TUSC3: variants seen among roughly 807,000 people sequenced by gnomAD.
The protein encoded by TUSC3 is tumor suppressor candidate 3.
In TUSC3, 45 loss-of-function variants were observed where a neutral mutation model predicts 44.8. That is an observed-to-expected ratio of 1.00 (90% CI 0.79 to 1.29). TUSC3 has a LOEUF of 1.29. Ranked by LOEUF, TUSC3 falls within the 50% of genes most tolerant of loss-of-function variation. TUSC3 has a pLI of 0.00. For missense variants in TUSC3, 519 were observed against 437.9 expected, an observed-to-expected ratio of 1.19 and a Z score of -1.65; for synonymous variants, 212 against 152.9, an observed-to-expected ratio of 1.39 and a Z score of -2.85.
chr8:15,494,586 G>C (rs1374262685), intron 2 of TUSC3, among the ~76,000 whole-genome samples: 1 of 152,084 alleles, frequency 6.6e-6, no homozygotes, highest in African/African-American at 2.4e-5. Flanking sequence ...CAAAGTGCTG[G>C]GATTAGAGGC....
intron 7 of TUSC3, among the ~76,000 whole-genome samples, chr8:15,739,987 A>G (rs1232618479): frequency 6.6e-6 from 1 of 152,196 alleles, no homozygotes; most frequent in Non-Finnish European, 1.5e-5. Flanking sequence ...TGAATAAAAC[A>G]AAGTTCTTGC....
chr8:15,595,163 A>T (rs968698714), intron 1 of TUSC3, among the ~76,000 whole-genome samples: 1 of 152,144 alleles, frequency 6.6e-6, no homozygotes, highest in Non-Finnish European at 1.5e-5. Context: ...CTGGGCTCTT[A>T]AGGCCGTTTG....
At chr8:15,579,237 A>G (rs1378053070) in intron 1 of TUSC3, among the ~76,000 whole-genome samples, 3 of 142,930 alleles carry the variant, frequency 2.1e-5, no homozygotes, top group Admixed American at 1.4e-4. Context: ...CTAGTGGTCT[A>G]TCAATTTTGT....
chr8:15,712,033 A>G (rs1170056559), intron 6 of TUSC3, among the ~76,000 whole-genome samples: 1 of 151,826 alleles, frequency 6.6e-6, no homozygotes, highest in East Asian at 1.9e-4. Flanking sequence ...AAACATACTA[A>G]ATTGCTGTGC....
intron 1 of TUSC3, among the ~76,000 whole-genome samples, chr8:15,460,377 T>C (rs117478864): frequency 2.9e-4 from 44 of 152,102 alleles, no homozygotes; most frequent in Non-Finnish European, 5.3e-4. Flanking sequence ...CCCAGTTTTC[T>C]ATGGGATTGC....
intron 1 of TUSC3, among the ~76,000 whole-genome samples, chr8:15,433,799 T>A (rs1262634026): frequency 1.3e-5 from 2 of 152,176 alleles, no homozygotes; most frequent in South Asian, 4.1e-4. Context: ...TGAGTAGAAA[T>A]ATACGTTATA....
At chr8:15,635,126 T>G (rs920434670) in intron 2 of TUSC3, among the ~76,000 whole-genome samples, 1 of 152,086 alleles carries the variant, frequency 6.6e-6, no homozygotes, top group African/African-American at 2.4e-5. Context: ...TCAAGGTAAC[T>G]GTCAAGGAAG....
At chr8:15,806,359 C>G in the TUSC3 span, 1 of 733,650 alleles carries the variant, frequency 1.4e-6, no homozygotes, top group South Asian at 1.3e-5. Flanking sequence ...ACTCTGCATT[C>G]CAGGTACTTG....
the TUSC3 span, among the ~76,000 whole-genome samples, chr8:15,785,511 C>G: frequency 8.3e-4 from 125 of 150,672 alleles, no homozygotes; most frequent in East Asian, 0.023. Flanking sequence ...CCATCCTGAC[C>G]TTCTTTGGAA....
intron 4 of TUSC3, among the ~76,000 whole-genome samples, chr8:15,661,685 A>G (rs1407193276): frequency 6.6e-6 from 1 of 151,994 alleles, no homozygotes; most frequent in Admixed American, 6.6e-5. Context: ...TAAGTAGTAA[A>G]AGCTATACTA....
chr8:15,696,180 G>T (rs538974651), intron 6 of TUSC3, among the ~76,000 whole-genome samples: 1 of 152,146 alleles, frequency 6.6e-6, no homozygotes, highest in Non-Finnish European at 1.5e-5. Context: ...AAATAGTTTC[G>T]TGGGCTGGGC....
chr8:15,689,323 A>G (rs545872157), intron 6 of TUSC3: 6 of 288,214 alleles, frequency 2.1e-5, no homozygotes, highest in Admixed American at 1.2e-4. Context: ...AGTCACCATC[A>G]TCACTCCGTC....
intron 7 of TUSC3, among the ~76,000 whole-genome samples, chr8:15,740,923 A>G (rs1585289416): frequency 6.6e-6 from 1 of 152,322 alleles, no homozygotes; most frequent in African/African-American, 2.4e-5. Context: ...TACTCTTACG[A>G]AAATGTACGT....
Position 15,764,366 on chromosome 8 carries a change from T to G in TUSC3, c.*210T>G. The G allele has an allele frequency of 1.3e-6, 1 of 782,852 alleles. No individual in the cohort carries two copies. The highest frequency in any genetic ancestry group is 2.0e-6 in the Non-Finnish European group (1 of 489,944). The allele number at this position is 782,852 out of a possible 1,614,324, so 48.5% of individuals were successfully genotyped here. On this transcript the variant is annotated 3_prime_UTR_variant, in exon 11 of 11. Coordinates refer to ENST00000503731, the MANE Select transcript of TUSC3 (RefSeq NM_006765.4). ...AAACTGTGGGTTTTCCTAGTAAATT[T>G]AATTTACAGAAATCAATGGTAGCAT...
the TUSC3 span, chr8:15,807,184 T>A: frequency 1.7e-5 from 13 of 771,474 alleles, no homozygotes; most frequent in African/African-American, 1.7e-4. Flanking sequence ...TCCATTTCAA[T>A]ACGTCAACCT....
intron 6 of TUSC3, among the ~76,000 whole-genome samples, chr8:15,730,204 A>G (rs1810662105): frequency 6.6e-6 from 1 of 152,284 alleles, no homozygotes; most frequent in Admixed American, 6.5e-5. Context: ...TTTTGAAAAA[A>G]TTTAAATGCT....
chr8:15,824,501 C>T, the TUSC3 span, among the ~76,000 whole-genome samples: 26,961 of 151,210 alleles, frequency 0.18, 2,573 homozygotes, highest in Admixed American at 0.28. Flanking sequence ...AGCAAACTAT[C>T]GCAAGGACAA....
At chr8:15,468,980 C>A (rs973931906) in intron 1 of TUSC3, among the ~76,000 whole-genome samples, 1 of 144,626 alleles carries the variant, frequency 6.9e-6, no homozygotes, top group Non-Finnish European at 1.5e-5. Flanking sequence ...GAAGATTTGA[C>A]CCTGAAGAGA....
At chr8:15,581,858 TCCCGTTTACCTAATCAAG>T (rs1803361957) in intron 1 of TUSC3, among the ~76,000 whole-genome samples, 2 of 81,624 alleles carry the variant, frequency 2.5e-5, no homozygotes, top group African/African-American at 1.3e-4. Context: ...AGTTGGAGCT[TCCCGTTTACCTAATCAAG>T]CCTGGGCAAT....
Sources: gnomAD v4.1 joint callset for allele counts (sites outside exome capture counted in the v4.1 genomes callset) on GRCh38, gnomAD v4.1.1 for gene constraint, MANE v1.5 for transcripts, NCBI Gene and HGNC (gene_info 2026-07-23, HGNC 2026-07-21) for gene names.